KRT36: variants seen among roughly 807,000 people sequenced by gnomAD.
The protein encoded by KRT36 is keratin, type I cuticular Ha6.
KRT36 carries 41 observed loss-of-function variants against 43.0 expected under a neutral mutation model. The observed-to-expected ratio is 0.95, with a 90% CI of 0.74 to 1.24. The LOEUF is 1.24. Among genes scored for constraint, KRT36 ranks in the 50% most tolerant of loss-of-function variants. KRT36 has a pLI of 0.00. For missense variants in KRT36, 627 were observed against 595.3 expected (o/e 1.05, Z -0.55); for synonymous variants, 277 against 252.9 (o/e 1.10, Z -0.90).
chr17:41,486,892 C>G (rs577427250), intron 6 of KRT36, 58 bp downstream of exon 6: 22 of 1,490,364 alleles, frequency 1.5e-5, no homozygotes, highest in Non-Finnish European at 1.9e-5. Context: ...GGGCTTGACG[C>G]CCTCCACATG....
At chr17:41,488,747 T>A in intron 1 of KRT36, 23 bp from the exon 2 acceptor site, 2 of 1,607,342 alleles carry the variant, frequency 1.2e-6, no homozygotes, top group Non-Finnish European at 1.7e-6. Flanking sequence ...AGGCTTCCCA[T>A]AAGCTACAGG....
In KRT36 at chr17:41,486,993, C is replaced by A. The variant is rs1442701926; in HGVS notation, c.1165G>T (p.Glu389Ter). The A allele has an allele frequency of 6.2e-7, 1 of 1,613,766 alleles. No individual in the cohort carries two copies. Among genetic ancestry groups the A allele is most frequent in the Admixed American group, 1.7e-5 (1 of 60,010 alleles). Residue 389 changes from glutamate (E) to a stop codon, truncating the protein, a stop_gained, in exon 6 of 7, where the codon GAG (glutamate) becomes TAG (stop). Coordinates refer to ENST00000328119, the MANE Select transcript of KRT36 (RefSeq NM_003771.5). LOFTEE classifies it low-confidence loss of function (END_TRUNC). Reference protein sequence around the residue: ...LLDVKARLEGEIATYRHLLEG... With the variant: ...LLDVKARLEG ...AGCAGGTGGCGGTAGGTAGCGATCTCGCCCTCCAGCCGGGCCTTGACGTCC... is the reference window on the plus strand; with the variant it reads ...AGCAGGTGGCGGTAGGTAGCGATCTAGCCCTCCAGCCGGGCCTTGACGTCC...
chr17:41,488,759 G>A lies in KRT36; in HGVS notation c.460-35C>T, dbSNP rs770554292. The A allele has an allele frequency of 1.1e-5, 18 of 1,581,422 alleles. No individual in the cohort carries two copies. The South Asian group carries it at 1.7e-4, about 15-fold the overall frequency. On this transcript the variant is annotated intron_variant, in intron 1 of 6. Transcript: ENST00000328119. ...AAGAGGCTTCCCATAAGCTACAGGA[G>A]GCCCAGCAGTGTGGGGGCAGGTAGG...
rs747864524 is a variant in KRT36, at chr17:41,489,616, C to T, written c.249G>A (p.Trp83Ter). 8 of 1,614,202 alleles carry T rather than the reference C, an allele frequency of 5.0e-6. No individual in the cohort carries two copies. In the Admixed American group the frequency reaches 1.3e-4, roughly 27 times the overall value. The change falls in exon 1 of 7, where the codon TGG becomes TGA. Residue 83 changes from tryptophan (W) to a stop codon, truncating the protein, a stop_gained. Coordinates refer to ENST00000328119, the MANE Select transcript of KRT36 (RefSeq NM_003771.5). LOFTEE classifies it high-confidence loss of function. ...TGCCGTTGAAGGAGCCCTCGCAGAACCAGCCCCCGCTCCCCACAAAGCCAG... is the reference window on the plus strand; with the variant it reads ...TGCCGTTGAAGGAGCCCTCGCAGAATCAGCCCCCGCTCCCCACAAAGCCAG... ...HTSGFVGSGG[W>*]FCEGSFNGSE...
rs148555788 is a variant in KRT36 at position 41,489,610 on chromosome 17, G to C, written c.255C>G (p.Cys85Trp). ...SGFVGSGGWFCEGSFNGSEKE... is the reference protein window; with the variant it reads ...SGFVGSGGWFWEGSFNGSEKE... ...TCTCGCTGCCGTTGAAGGAGCCCTC[G>C]CAGAACCAGCCCCCGCTCCCCACAA... The change falls in exon 1 of 7, where the codon TGC becomes TGG. Residue 85 changes from cysteine to tryptophan, a missense_variant. Cys to Trp is a radical substitution (Grantham distance 215, BLOSUM62 -2). Coordinates refer to ENST00000328119, the MANE Select transcript of KRT36 (RefSeq NM_003771.5). The C allele has an allele frequency of 5.6e-6, 9 of 1,614,026 alleles. No homozygotes were observed. Among genetic ancestry groups the C allele is most frequent in the Non-Finnish European group, 7.6e-6 (9 of 1,180,038 alleles).
chr17:41,488,272 G>C lies in KRT36; in HGVS notation c.670C>G (p.Leu224Val). 1 of 1,614,126 alleles carries C rather than the reference G, an allele frequency of 6.2e-7. No homozygotes were observed. The highest frequency in any genetic ancestry group is 8.5e-7 in the Non-Finnish European group (1 of 1,179,996). ...TCGTGATTCTTCTTGAGGCACATCAGCTCCTCCTTCAGGGACTCCACCTGA... is the reference window on the plus strand; with the variant it reads ...TCGTGATTCTTCTTGAGGCACATCACCTCCTCCTTCAGGGACTCCACCTGA... The part of the protein sequence containing the change: ...EAQVESLKEE[L>V]MCLKKNHEEE... The change falls in exon 3 of 7, where the codon CTG (leucine) becomes GTG (valine). Residue 224 changes from leucine to valine, a missense_variant. Leu to Val is a conservative substitution (Grantham distance 32). Transcript: ENST00000328119.
rs368513928 is a variant in KRT36 at position 41,487,386 on chromosome 17, C to T, written c.952G>A (p.Ala318Thr). The change falls in exon 5 of 7, where the codon GCG becomes ACG. Residue 318 changes from alanine (A) to threonine (T), a missense_variant. Coordinates refer to ENST00000328119, the MANE Select transcript of KRT36 (RefSeq NM_003771.5). ...TGAGCCTGCAGCTCAATCTCTAGCG[C>T]GTTGACCGTACGTCTCAGCTCGATG... ...EIIELRRTVN[A>T]LEIELQAQHS... is the part of the protein sequence containing the mutation. The T allele has an allele frequency of 5.6e-6, 9 of 1,613,082 alleles. No individual in the cohort carries two copies. Among genetic ancestry groups the T allele is most frequent in the African/African-American group, 5.3e-5 (4 of 74,910 alleles).
intron 6 of KRT36, 72 bp from the exon 7 acceptor site, chr17:41,486,643 T>G: frequency 7.2e-6 from 9 of 1,254,390 alleles, no homozygotes; most frequent in South Asian, 1.5e-5. Context: ...TAAACAGATC[T>G]AGAGGATCAA....
In KRT36 at chr17:41,488,670, T is replaced by C. The variant is rs1904475170; in HGVS notation, c.514A>G (p.Lys172Glu). ...GTCCGGAAGTCGTCAGCAGCCAGCT[T>C]GGCATTATCAATCTGCAGGACCAGC... ...ARLVLQIDNA[K>E]LAADDFRTKY... The change falls in exon 2 of 7, where the codon AAG becomes GAG. Residue 172 changes from lysine (K) to glutamate (E), a missense_variant. Physicochemically the swap from Lys to Glu is moderately conservative, Grantham distance 56. Transcript: ENST00000328119. The C allele has an allele frequency of 1.9e-6, 3 of 1,614,050 alleles. No individual in the cohort carries two copies. The highest frequency in any genetic ancestry group is 2.5e-6 in the Non-Finnish European group (3 of 1,180,034).
In KRT36 at chr17:41,487,777, G is replaced by C. The variant is rs60577605; in HGVS notation, c.700-40C>G. 5,158 of 1,573,748 alleles carry C rather than the reference G, an allele frequency of 3.3e-3. 132 individuals are homozygous for C. The African/African-American group carries it at 0.061, about 19-fold the overall frequency. On this transcript the variant is annotated intron_variant, in intron 3 of 6. Coordinates refer to ENST00000328119, the MANE Select transcript of KRT36 (RefSeq NM_003771.5). ...CAAGACGGCATGAGGTTGTGAAAAA[G>C]ATGCTGGATTGCAGGTTTCAATGAC... is the stretch of plus-strand genomic sequence containing the variant.
Position 41,489,490 on chromosome 17 carries a change from G to A in KRT36, c.375C>T (p.Ile125=), listed in dbSNP as rs1471957374. Residue 125 remains isoleucine, a synonymous_variant, in exon 1 of 7, where the codon ATC becomes ATT. Coordinates refer to ENST00000328119, the MANE Select transcript of KRT36 (RefSeq NM_003771.5). ...GGATCTGAAACTCGTACCACTCCTG[G>A]ATGCGGCTCTCCAGCTCCGCGTTCT... is the stretch of plus-strand genomic sequence containing the variant. ...ERENAELESR[I]QEWYEFQIPY... 3 of 1,614,118 alleles carry A rather than the reference G, an allele frequency of 1.9e-6. No homozygotes were observed. Among genetic ancestry groups the A allele is most frequent in the Non-Finnish European group, 1.7e-6 (2 of 1,180,052 alleles).
In KRT36 at chr17:41,489,465, G is replaced by T; in HGVS notation, c.400C>A (p.Pro134Thr). Residue 134 changes from proline (P) to threonine (T), a missense_variant, in exon 1 of 7, where the codon CCA becomes ACA. Pro to Thr is a conservative substitution (Grantham distance 38, BLOSUM62 -1). Coordinates refer to ENST00000328119, the MANE Select transcript of KRT36 (RefSeq NM_003771.5). ...RIQEWYEFQIPYICPDYQSYF... is the reference protein window; with the variant it reads ...RIQEWYEFQITYICPDYQSYF... ...GACTGGTAGTCTGGGCAGATGTATG[G>T]GATCTGAAACTCGTACCACTCCTGG... is the stretch of plus-strand genomic sequence containing the variant. The T allele has an allele frequency of 6.2e-7, 1 of 1,614,190 alleles. No individual in the cohort carries two copies.
At position 41,489,626 on chromosome 17, in the gene KRT36, C is replaced by G; in HGVS notation, c.239G>C (p.Ser80Thr). 2 of 1,614,180 alleles carry G rather than the reference C, an allele frequency of 1.2e-6. No homozygotes were observed. The highest frequency in any genetic ancestry group is 1.1e-5 in the South Asian group (1 of 91,086). ...SECHTSGFVG[S>T]GGWFCEGSFN... ...GGAGCCCTCGCAGAACCAGCCCCCG[C>G]TCCCCACAAAGCCAGAGGTGTGGCA... The change falls in exon 1 of 7, where the codon AGC (serine) becomes ACC (threonine). Residue 80 changes from serine (S) to threonine (T), a missense_variant. By Grantham distance (58) the Ser-to-Thr change is moderately conservative (BLOSUM62 1). Coordinates refer to ENST00000328119, the MANE Select transcript of KRT36 (RefSeq NM_003771.5).
In KRT36 at chr17:41,487,595, T is replaced by G. The variant is rs778532074; in HGVS notation, c.842A>C (p.Glu281Ala). ...CCCCACCTGGGTGTTGAACCAGGCCTCCACATCTCTGCGGTTATTCTCCAC... is the reference window on the plus strand; with the variant it reads ...CCCCACCTGGGTGTTGAACCAGGCCGCCACATCTCTGCGGTTATTCTCCAC... ...ALVENNRRDV[E>A]AWFNTQTEEL... The change falls in exon 4 of 7, where the codon GAG becomes GCG. Residue 281 changes from glutamate (E) to alanine (A), a missense_variant. Coordinates refer to ENST00000328119, the MANE Select transcript of KRT36 (RefSeq NM_003771.5). 2 of 1,614,012 alleles carry G rather than the reference T, an allele frequency of 1.2e-6. No individual in the cohort carries two copies. The highest frequency in any genetic ancestry group is 1.7e-6 in the Non-Finnish European group (2 of 1,180,000).
chr17:41,487,626 C>T lies in KRT36; in HGVS notation c.811G>A (p.Ala271Thr), dbSNP rs193218332. The T allele has an allele frequency of 3.4e-5, 55 of 1,614,202 alleles. No individual in the cohort carries two copies. The East Asian group carries it at 1.2e-3, about 35-fold the overall frequency. ...TCTCTGCGGTTATTCTCCACCAGGG[C>T]CTCGTACTGGCATCTCATATCCTCC... ...ILEDMRCQYEALVENNRRDVE... is the reference protein window; with the variant it reads ...ILEDMRCQYETLVENNRRDVE... Residue 271 changes from alanine to threonine, a missense_variant, in exon 4 of 7, where the codon GCC becomes ACC. Coordinates refer to ENST00000328119, the MANE Select transcript of KRT36 (RefSeq NM_003771.5).
At chr17:41,487,800 G>GGTCATTGAA in intron 3 of KRT36, 63 bp from the exon 4 acceptor site, 1 of 1,512,704 alleles carries the variant, frequency 6.6e-7, no homozygotes, top group Non-Finnish European at 9.0e-7. Flanking sequence ...AGGTTTCAAT[G>GGTCATTGAA]ACCTGAATTC....
chr17:41,487,532 A>AC (rs1904436160), intron 4 of KRT36, 44 bp downstream of exon 4: 1 of 1,612,634 alleles, frequency 6.2e-7, no homozygotes, highest in Admixed American at 1.7e-5. Context: ...TCCAAGGGTA[A>AC]CCCCAGCCCA....
In KRT36 at chr17:41,489,519, G is replaced by C; in HGVS notation, c.346C>G (p.Arg116Gly). The change falls in exon 1 of 7, where the codon CGG becomes GGG. Residue 116 changes from arginine to glycine, a missense_variant. Physicochemically the swap from Arg to Gly is moderately radical, Grantham distance 125 (BLOSUM62 -2). Coordinates refer to ENST00000328119, the MANE Select transcript of KRT36 (RefSeq NM_003771.5). ...CGGCTCTCCAGCTCCGCGTTCTCCC[G>C]CTCCAGCTGACGCACCTTCTCCAGG... ...NYLEKVRQLE[R>G]ENAELESRIQ... 6.2e-7 allele frequency: 1 copy of C among 1,614,194 alleles called. No homozygotes were observed. Among genetic ancestry groups the C allele is most frequent in the South Asian group, 1.1e-5 (1 of 91,084 alleles).
At chr17:41,488,052 C>T in intron 3 of KRT36, among the ~76,000 whole-genome samples, 191 bp downstream of exon 3, 1 of 152,228 alleles carries the variant, frequency 6.6e-6, no homozygotes, top group East Asian at 1.9e-4. Context: ...CTCTTTGTGC[C>T]TAAGTTTTCT....
Sources: allele counts gnomAD v4.1 joint callset (sites outside exome capture counted in the v4.1 genomes callset), GRCh38; gene constraint gnomAD v4.1.1; transcripts MANE v1.5; gene names NCBI Gene and HGNC (gene_info 2026-07-23, HGNC 2026-07-21).